Variants in SPTBN2 observed in about 807,000 individuals in gnomAD.
The protein encoded by SPTBN2 is spectrin beta chain, non-erythrocytic 2.
In SPTBN2, 107 loss-of-function variants were observed where a neutral mutation model predicts 284.2. The observed-to-expected ratio is 0.38, with a 90% confidence interval of 0.32 to 0.44. SPTBN2 has a LOEUF of 0.44. Among genes scored for constraint, SPTBN2 ranks in the 20% least tolerant of loss-of-function variants. The pLI, the probability that SPTBN2 is intolerant of heterozygous loss-of-function variation, is 1.00. For synonymous variants in SPTBN2, 1,289 were observed against 1,354.8 expected (o/e 0.95, Z 1.07); for missense variants, 2,569 against 3,287.1 (o/e 0.78, Z 5.34).
intron 16 of SPTBN2, 61 bp downstream of exon 16, chr11:66,701,523 A>G (rs1941245975): frequency 6.2e-7 from 1 of 1,613,040 alleles, no homozygotes; most frequent in African/African-American, 1.3e-5. Context: ...CCTGCCTCTC[A>G]CTGCCATCCC....
In SPTBN2 at chr11:66,721,439, G is replaced by T; in HGVS notation, c.-112C>A. On this transcript the variant is annotated splice_region_variant and 5_prime_UTR_variant, in exon 2 of 38. Coordinates refer to ENST00000533211, the MANE Select transcript of SPTBN2 (RefSeq NM_006946.4). ...GGGAAGAGGGGAAGCCACCTGGGAAGCCTGGGGACGGGAATACATCAGAAG... is the reference window on the plus strand; with the variant it reads ...GGGAAGAGGGGAAGCCACCTGGGAATCCTGGGGACGGGAATACATCAGAAG... 1 of 683,084 alleles carries T rather than the reference G, an allele frequency of 1.5e-6. No homozygotes were observed. Among genetic ancestry groups the T allele is most frequent in the Non-Finnish European group, 2.6e-6 (1 of 387,608 alleles). 42.3% of individuals were successfully genotyped at this position (683,084 alleles called of 1,614,324 possible).
Position 66,713,678 on chromosome 11 carries a change from T to A in SPTBN2, c.725A>T (p.Asn242Ile). ...NAHYNLQNAF[N>I]LAEKELGLTK... ...AAGTCCCAGTTCCTTTTCAGCCAGA[T>A]TGAATGCATTCTGCAGATTATAGTG... The change falls in exon 8 of 38, where the codon AAT (asparagine) becomes ATT (isoleucine). Residue 242 changes from asparagine (N) to isoleucine (I), a missense_variant. Transcript: ENST00000533211. 1 of 1,614,146 alleles carries A rather than the reference T, an allele frequency of 6.2e-7. No individual in the cohort carries two copies. Among genetic ancestry groups the A allele is most frequent in the Non-Finnish European group, 8.5e-7 (1 of 1,180,036 alleles).
Position 66,704,844 on chromosome 11 carries a change from G to A in SPTBN2, c.2432C>T (p.Ala811Val). The A allele has an allele frequency of 6.2e-7, 1 of 1,608,818 alleles. No individual in the cohort carries two copies. The highest frequency in any genetic ancestry group is 8.5e-7 in the Non-Finnish European group (1 of 1,179,808). Reference sequence around the variant, plus strand: ...GCGGCTCAGTGTGGGGGGCAGGGCTGCTGCCTGTTCCCTCAAGGCGTCCAG... The same window carrying A: ...GCGGCTCAGTGTGGGGGGCAGGGCTACTGCCTGTTCCCTCAAGGCGTCCAG... ...PTLDALREQAAALPPTLSRTP... is the reference protein window; with the variant it reads ...PTLDALREQAVALPPTLSRTP... Residue 811 changes from alanine to valine, a missense_variant, in exon 15 of 38, where the codon GCA becomes GTA. Coordinates refer to ENST00000533211, the MANE Select transcript of SPTBN2 (RefSeq NM_006946.4).
intron 29 of SPTBN2, chr11:66,689,430 C>G: frequency 1.9e-6 from 1 of 535,254 alleles, no homozygotes; most frequent in South Asian, 2.1e-5. Context: ...CCCGCCACCA[C>G]GCCCGGCTAA....
At chr11:66,714,004 C>A in intron 7 of SPTBN2, 87 bp downstream of exon 7, 1 of 1,356,608 alleles carries the variant, frequency 7.4e-7, no homozygotes, top group South Asian at 1.2e-5. Context: ...TGCTGTGCAG[C>A]TCATCTCATC....
At chr11:66,725,895 C>T (rs1397350171) in intron 1 of SPTBN2, among the ~76,000 whole-genome samples, 1 of 152,180 alleles carries the variant, frequency 6.6e-6, no homozygotes. Context: ...CTAATTCTTC[C>T]TCTCACCACA....
Position 66,700,605 on chromosome 11 carries a change from T to C in SPTBN2, c.3494A>G (p.Gln1165Arg), listed in dbSNP as rs377492365. 3.7e-6 allele frequency: 6 copies of C among 1,607,990 alleles called. No homozygotes were observed. Among genetic ancestry groups the C allele is most frequent in the African/African-American group, 1.3e-5 (1 of 74,942 alleles). Residue 1165 changes from glutamine (Q) to arginine (R), a missense_variant, in exon 17 of 38, where the codon CAA becomes CGA. Physicochemically the swap from Gln to Arg is conservative, Grantham distance 43. Around this residue, in one of 6 missense-constraint regions of SPTBN2, gnomAD observed 1,012 missense variants for 1,248.9 expected, o/e 0.81. Coordinates refer to ENST00000533211, the MANE Select transcript of SPTBN2 (RefSeq NM_006946.4). This position sits in a 1 kb window ranked among gnomAD's most constrained non-coding sequence, Gnocchi z 6.6. ...GCCGTGGGCCTGGGCCAGGCGACCT[T>C]GCCGGCTCTCCCACATTCGGCCCAG... ...EELGRMWESR[Q>R]GRLAQAHGFQ...
chr11:66,732,033 T>C (rs1942817293), upstream of SPTBN2, among the ~76,000 whole-genome samples: 1 of 152,232 alleles, frequency 6.6e-6, no homozygotes, highest in Non-Finnish European at 1.5e-5. Flanking sequence ...AGCTGAGATC[T>C]GAAATATGAG....
At position 66,693,509 on chromosome 11, in the gene SPTBN2, G is replaced by T; in HGVS notation, c.4594-63C>A. On this transcript the variant is annotated intron_variant, in intron 23 of 37. Transcript: ENST00000533211. This position sits in a 1 kb window ranked among gnomAD's most constrained non-coding sequence, Gnocchi z 5.7. ...TGCCCCAGCCCCACGTGCTCCCGGA[G>T]ACCACCCTTCACCCCTGTGCCTCTC... 1.3e-6 allele frequency: 2 copies of T among 1,552,624 alleles called. No individual in the cohort carries two copies. Among genetic ancestry groups the T allele is most frequent in the Non-Finnish European group, 1.7e-6 (2 of 1,156,894 alleles).
At chr11:66,734,075 G>A (rs1942836152), upstream of SPTBN2, among the ~76,000 whole-genome samples, 1 of 151,312 alleles carries the variant, frequency 6.6e-6, no homozygotes, top group South Asian at 2.1e-4. Flanking sequence ...GGCAGCAATT[G>A]ACTCTAATTA....
chr11:66,703,913 C>A (rs1355466085), intron 15 of SPTBN2, among the ~76,000 whole-genome samples: 1 of 151,726 alleles, frequency 6.6e-6, no homozygotes, highest in Non-Finnish European at 1.5e-5. Context: ...ATTTTAAGTC[C>A]ACACAGACAA....
intron 21 of SPTBN2, among the ~76,000 whole-genome samples, chr11:66,695,574 A>C (rs1448349376): frequency 2.6e-5 from 4 of 151,488 alleles, no homozygotes; most frequent in Admixed American, 2.0e-4. Context: ...CCCTTATTTT[A>C]CATATAATCC....
In SPTBN2 at chr11:66,696,556, GA is replaced by G; in HGVS notation, c.4015-17del. On this transcript the variant is annotated splice_polypyrimidine_tract_variant and intron_variant, in intron 20 of 37. Coordinates refer to ENST00000533211, the MANE Select transcript of SPTBN2 (RefSeq NM_006946.4). ...CTCGCCCTTCCTGGAAGGCAGGACA[GA>G]AAATGTCAAAGTGCCCAAATTAGCC... 3 of 1,609,654 alleles carry G rather than the reference GA, an allele frequency of 1.9e-6. No homozygotes were observed. Among genetic ancestry groups the G allele is most frequent in the Non-Finnish European group, 1.7e-6 (2 of 1,179,998 alleles).
chr11:66,731,590 C>G (rs1447174205), upstream of SPTBN2, among the ~76,000 whole-genome samples: 1 of 152,202 alleles, frequency 6.6e-6, no homozygotes, highest in African/African-American at 2.4e-5. Context: ...CCTTCTGCAG[C>G]CTCACGGCCC....
chr11:66,729,692 T>C (rs1021823544), upstream of SPTBN2, among the ~76,000 whole-genome samples: 2 of 152,172 alleles, frequency 1.3e-5, no homozygotes, highest in Non-Finnish European at 2.9e-5. Flanking sequence ...GGAGTTCCAT[T>C]GAAAGATTAC....
chr11:66,693,962 T>TG lies in SPTBN2; in HGVS notation c.4504-102dup, dbSNP rs1940742213. 1.5e-6 allele frequency: 2 copies of TG among 1,326,764 alleles called. No individual in the cohort carries two copies. Among genetic ancestry groups the TG allele is most frequent in the African/African-American group, 2.9e-5 (2 of 68,688 alleles). The allele number at this position is 1,326,764 out of a possible 1,614,324, so 82.2% of individuals were successfully genotyped here. ...ACACCTGGGGCTACCGCCCTGTGTG[T>TG]GGGGAACAGTCATCTCTGGTTCTGG... On this transcript the variant is annotated intron_variant, in intron 22 of 37. Transcript: ENST00000533211. The surrounding 1 kb of genome is among the most constrained non-coding windows in gnomAD (Gnocchi z 5.7).
At position 66,685,589 on chromosome 11, in the gene SPTBN2, G is replaced by A. The variant is rs1350664778; in HGVS notation, c.*282C>T. 2.2e-5 allele frequency: 10 copies of A among 455,322 alleles called. No individual in the cohort carries two copies. Among genetic ancestry groups the A allele is most frequent in the Non-Finnish European group, 3.7e-5 (9 of 244,644 alleles). 28.2% of individuals were successfully genotyped at this position (455,322 alleles called of 1,614,324 possible). The stretch of plus-strand genomic sequence containing the variant: ...GAGGGTGCGGCACTGTCCACACCGT[G>A]GTGAGGGACAGAGGCACGAGGCTGG... On this transcript the variant is annotated 3_prime_UTR_variant, in exon 38 of 38. Transcript: ENST00000533211. This position sits in a 1 kb window ranked among gnomAD's most constrained non-coding sequence, Gnocchi z 4.4.
chr11:66,741,118 T>C (rs544075489), intron 1 of SPTBN2, among the ~76,000 whole-genome samples: 2 of 152,326 alleles, frequency 1.3e-5, no homozygotes, highest in South Asian at 2.1e-4. Context: ...AAAGTAGACA[T>C]GTGATATGGT....
chr11:66,730,867 G>A (rs1427834929), upstream of SPTBN2, among the ~76,000 whole-genome samples: 4 of 152,190 alleles, frequency 2.6e-5, no homozygotes, highest in Admixed American at 6.5e-5. Context: ...CTAAGTGAAT[G>A]TACAAGTTCA....
Sources: allele counts gnomAD v4.1 joint callset (sites outside exome capture counted in the v4.1 genomes callset), GRCh38; gene constraint gnomAD v4.1.1; regional missense constraint gnomAD v4.1.1; non-coding constraint Gnocchi (gnomAD v3.1); transcripts MANE v1.5; gene names NCBI Gene and HGNC (gene_info 2026-07-23, HGNC 2026-07-21).